The following ZBTB8A variants were observed in gnomAD, a reference collection of about 807,000 sequenced individuals.
The protein encoded by ZBTB8A is zinc finger and BTB domain containing 8A.
ZBTB8A carries 19 observed loss-of-function variants against 37.8 expected under a neutral mutation model. The observed-to-expected ratio is 0.50, with a 90% confidence interval of 0.35 to 0.74. The LOEUF is 0.74. Among genes scored for constraint, ZBTB8A ranks in the 30% least tolerant of loss-of-function variants. The pLI is 0.01. For missense variants in ZBTB8A, 394 were observed against 537.8 expected (o/e 0.73, Z 2.65); for synonymous variants, 181 against 185.2 (o/e 0.98, Z 0.19).
intron 1 of ZBTB8A, among the ~76,000 whole-genome samples, chr1:32,543,529 G>A (rs1644075368): frequency 1.3e-5 from 2 of 152,078 alleles, no homozygotes; most frequent in South Asian, 2.1e-4. Context: ...CCCCATGCCT[G>A]TTAACAGTCA....
At chr1:32,570,918 C>T (rs1367946803) in intron 2 of ZBTB8A, among the ~76,000 whole-genome samples, 2 of 151,824 alleles carry the variant, frequency 1.3e-5, no homozygotes, top group African/African-American at 4.8e-5. Context: ...CTCTGTCACC[C>T]AGGCTGGAGT....
rs984726869 is a variant in ZBTB8A, at chr1:32,601,397, C to A, written c.*978C>A. ...GCTGAGGCAGGAGAATCGATTGAAC[C>A]TGGAAGGCAGAAGTTGCAGTGAGCC... On this transcript the variant is annotated 3_prime_UTR_variant, in exon 5 of 5. Transcript: ENST00000373510. 5.7e-5 allele frequency: 19 copies of A among 330,926 alleles called. No homozygotes were observed. The highest frequency in any genetic ancestry group is 1.5e-4 in the Admixed American group (3 of 20,524). The allele number at this position is 330,926 out of a possible 1,614,324, so 20.5% of individuals were successfully genotyped here.
At chr1:32,566,536 T>A (rs1644280744) in intron 2 of ZBTB8A, among the ~76,000 whole-genome samples, 1 of 151,974 alleles carries the variant, frequency 6.6e-6, no homozygotes, top group Admixed American at 6.6e-5. Context: ...AAAATAATAA[T>A]AAAAAATACA....
intron 4 of ZBTB8A, among the ~76,000 whole-genome samples, chr1:32,599,830 G>T (rs547908994): frequency 1.3e-5 from 2 of 152,130 alleles, no homozygotes; most frequent in African/African-American, 4.8e-5. Flanking sequence ...AATGCTATTG[G>T]ATTAAGGGAT....
At chr1:32,540,533 T>G (rs1644044743) in intron 1 of ZBTB8A, among the ~76,000 whole-genome samples, 1 of 152,206 alleles carries the variant, frequency 6.6e-6, no homozygotes, top group South Asian at 2.1e-4. Flanking sequence ...GCATGGCGTT[T>G]CACCTCTAGG....
At chr1:32,545,729 T>G (rs895757659) in intron 1 of ZBTB8A, among the ~76,000 whole-genome samples, 3 of 152,170 alleles carry the variant, frequency 2.0e-5, no homozygotes, top group East Asian at 3.8e-4. Flanking sequence ...AATACGCTGT[T>G]TTTGCCTTCC....
At chr1:32,596,097 C>T (rs570142556) in intron 4 of ZBTB8A, among the ~76,000 whole-genome samples, 29 of 151,644 alleles carry the variant, frequency 1.9e-4, no homozygotes, top group East Asian at 6.0e-4. Flanking sequence ...TGGCTGGGCG[C>T]GGTGGCTCAC....
chr1:32,585,822 G>A (rs12029991), intron 2 of ZBTB8A, among the ~76,000 whole-genome samples: 18,080 of 151,636 alleles, frequency 0.12, 1,166 homozygotes, highest in African/African-American at 0.18. Flanking sequence ...GGCAAACATG[G>A]TGAAACCCCG....
chr1:32,605,723 A>AG lies in ZBTB8A; in HGVS notation c.*5304_*5305insG, dbSNP rs1644612913. On this transcript the variant is annotated 3_prime_UTR_variant, in exon 5 of 5. Coordinates refer to ENST00000373510, the MANE Select transcript of ZBTB8A (RefSeq NM_001040441.3). ...CCACCTCAAAAAAAAAAAAAAAAAAAAAAAAAAGAACCTAAGACAACCCAG... is the reference window on the plus strand; with the variant it reads ...CCACCTCAAAAAAAAAAAAAAAAAAAGAAAAAAAGAACCTAAGACAACCCAG... The AG allele has an allele frequency of 6.7e-6, 1 of 150,268 alleles. No homozygotes were observed. The highest frequency in any genetic ancestry group is 2.1e-4 in the South Asian group (1 of 4,808). The allele number at this position is 150,268 out of a possible 1,614,324, so 9.3% of individuals were successfully genotyped here. A position where few individuals can be genotyped will look rare whatever the true frequency, so the allele number is the denominator to read the frequency against.
In ZBTB8A at chr1:32,593,102, A is replaced by C. The variant is rs761012351; in HGVS notation, c.171A>C (p.Ser57=). ...TTAAAATGCTTCTTTCTCAGAATTC[A>C]AAGGAGACGAGTCAGCCAACCACAG... ...GYFKMLLSQN[S]KETSQPTTAT... is the part of the protein sequence containing the mutation. The change falls in exon 3 of 5, where the codon TCA becomes TCC. Residue 57 remains serine (S), a synonymous_variant. Coordinates refer to ENST00000373510, the MANE Select transcript of ZBTB8A (RefSeq NM_001040441.3). The C allele has an allele frequency of 6.8e-6, 11 of 1,614,192 alleles. No homozygotes were observed. The highest frequency in any genetic ancestry group is 9.3e-6 in the Non-Finnish European group (11 of 1,180,040).
intron 2 of ZBTB8A, among the ~76,000 whole-genome samples, chr1:32,579,009 T>C (rs1412983530): frequency 6.6e-6 from 1 of 152,166 alleles, no homozygotes; most frequent in Non-Finnish European, 1.5e-5. Context: ...ATTTGGAGGC[T>C]TGTTTTTAAG....
At chr1:32,563,856 C>T (rs1644261436) in intron 2 of ZBTB8A, among the ~76,000 whole-genome samples, 1 of 152,096 alleles carries the variant, frequency 6.6e-6, no homozygotes, top group Non-Finnish European at 1.5e-5. Flanking sequence ...TTGAGGAAGC[C>T]CCATCATAGA....
chr1:32,598,407 AT>A lies in ZBTB8A; in HGVS notation c.994-1671del, dbSNP rs540569208. 4.2e-3 allele frequency among the ~76,000 whole-genome samples: 621 copies of A among 147,446 alleles called. 6 individuals are homozygous for A. The highest frequency in any genetic ancestry group is 0.014 in the African/African-American group (548 of 40,204). ...GCCACCATGCCCAGCTAAGTTTTGT[AT>A]TTTTTTTTAGTAAAGATGGAGTTTT... On this transcript the variant is annotated intron_variant, in intron 4 of 4. Transcript: ENST00000373510.
At chr1:32,551,518 C>T (rs1644155697) in intron 1 of ZBTB8A, among the ~76,000 whole-genome samples, 3 of 151,986 alleles carry the variant, frequency 2.0e-5, no homozygotes, top group African/African-American at 4.8e-5. Flanking sequence ...AGTTTGAGAC[C>T]GCCTGACTAA....
At chr1:32,551,102 G>T (rs1392658333) in intron 1 of ZBTB8A, among the ~76,000 whole-genome samples, 1 of 152,162 alleles carries the variant, frequency 6.6e-6, no homozygotes. Context: ...AACTCATTAG[G>T]GCTAGGTGAC....
chr1:32,577,084 A>G (rs1644366286), intron 2 of ZBTB8A, among the ~76,000 whole-genome samples: 3 of 147,780 alleles, frequency 2.0e-5, no homozygotes, highest in South Asian at 2.2e-4. Context: ...CATGTTGGCC[A>G]GGCTGGTCTC....
At chr1:32,574,589 CCT>C (rs1644346524) in intron 2 of ZBTB8A, among the ~76,000 whole-genome samples, 2 of 151,868 alleles carry the variant, frequency 1.3e-5, no homozygotes, top group Non-Finnish European at 1.5e-5. Flanking sequence ...AGAGCAAGAC[CCT>C]GTCTCTAAAA....
intron 2 of ZBTB8A, among the ~76,000 whole-genome samples, chr1:32,554,944 G>T (rs1644189109): frequency 6.6e-6 from 1 of 152,180 alleles, no homozygotes; most frequent in Non-Finnish European, 1.5e-5. Context: ...AGAGAAGGAT[G>T]TTAAGCCTAG....
intron 2 of ZBTB8A, among the ~76,000 whole-genome samples, chr1:32,579,531 A>G (rs1335289331): frequency 6.6e-6 from 1 of 152,004 alleles, no homozygotes; most frequent in African/African-American, 2.4e-5. Context: ...TTCTGCTCAT[A>G]GAAACTCAGG....
Sources: allele counts gnomAD v4.1 joint callset (sites outside exome capture counted in the v4.1 genomes callset), GRCh38; gene constraint gnomAD v4.1.1; transcripts MANE v1.5; gene names NCBI Gene and HGNC (gene_info 2026-07-23, HGNC 2026-07-21).